Variants in MKLN1 observed in about 807,000 individuals in gnomAD.
MKLN1 encodes the protein muskelin.
Under a neutral mutation model 99.0 loss-of-function variants are expected in MKLN1, and 18 were observed. The ratio of observed to expected loss-of-function variants is 0.18; its 90% CI spans 0.13 to 0.27. MKLN1 has a LOEUF of 0.27. Ranked by LOEUF, MKLN1 falls within the 10% of genes least tolerant of loss-of-function variation. MKLN1 has a pLI of 1.00. For synonymous variants in MKLN1, 288 were observed against 293.2 expected (o/e 0.98, Z 0.18); for missense variants, 621 against 875.9 (o/e 0.71, Z 3.67).
At chr7:131,281,987 T>C (rs993803007) in intron 3 of MKLN1, among the ~76,000 whole-genome samples, 1 of 152,094 alleles carries the variant, frequency 6.6e-6, no homozygotes, top group African/African-American at 2.4e-5. Flanking sequence ...TCTGAGCCTG[T>C]TTTATCTTAT....
chr7:131,346,232 A>C lies in MKLN1; in HGVS notation c.98+18235A>C, dbSNP rs867846318. ...CATATAACAACTTTATTAAAAATTA[A>C]CAATATTAGGGCGGGTGTGGTGGCT... On this transcript the variant is annotated intron_variant, in intron 1 of 17. Transcript: ENST00000352689. Among the ~76,000 whole-genome samples, 11 of 152,198 alleles carry C rather than the reference A, an allele frequency of 7.2e-5. No homozygotes were observed. In the South Asian group the frequency reaches 1.0e-3, roughly 14 times the overall value.
chr7:131,267,107 C>G (rs1156589295), intron 3 of MKLN1, among the ~76,000 whole-genome samples: 1 of 151,954 alleles, frequency 6.6e-6, no homozygotes, highest in African/African-American at 2.4e-5. Flanking sequence ...CCGAGGCAGG[C>G]AGATCACTTG....
intron 3 of MKLN1, among the ~76,000 whole-genome samples, chr7:131,303,637 G>C (rs558800457): frequency 1.5e-4 from 23 of 152,326 alleles, no homozygotes; most frequent in African/African-American, 5.3e-4. Context: ...CTGAATCCTG[G>C]GGTGATGTTA....
chr7:131,257,099 A>G (rs933787523), intron 3 of MKLN1, among the ~76,000 whole-genome samples: 3 of 152,224 alleles, frequency 2.0e-5, no homozygotes, highest in Non-Finnish European at 4.4e-5. Context: ...TTGGGCTTGT[A>G]ACAACACTGT....
At chr7:131,380,196 G>A (rs118049779) in intron 2 of MKLN1, among the ~76,000 whole-genome samples, 1,704 of 152,232 alleles carry the variant, frequency 0.011, 23 homozygotes, top group Middle Eastern at 0.078. Context: ...GGAATTGGTA[G>A]TATCCCTAGC....
intron 1 of MKLN1, among the ~76,000 whole-genome samples, chr7:131,356,936 G>T (rs990002321): frequency 2.0e-5 from 3 of 152,066 alleles, no homozygotes; most frequent in African/African-American, 7.2e-5. Flanking sequence ...GTGCAAGTTT[G>T]TTAAAAAGCT....
intron 12 of MKLN1, among the ~76,000 whole-genome samples, chr7:131,450,920 C>CT (rs147115807): frequency 0.016 from 2,466 of 152,236 alleles, 60 homozygotes; most frequent in African/African-American, 0.054. Context: ...AATACACAGA[C>CT]TTGTTCATGA....
intron 6 of MKLN1, among the ~76,000 whole-genome samples, chr7:131,403,205 G>T (rs1274529825): frequency 2.6e-5 from 4 of 152,130 alleles, no homozygotes; most frequent in African/African-American, 4.8e-5. Flanking sequence ...ATCAACACTT[G>T]TGGCTTTACT....
intron 3 of MKLN1, among the ~76,000 whole-genome samples, chr7:131,307,097 T>C (rs760200973): frequency 8.5e-4 from 130 of 152,124 alleles, no homozygotes; most frequent in Middle Eastern, 6.8e-3. Context: ...CAGTTGTGGC[T>C]AAAAGGGGCC....
chr7:131,137,052 T>C (rs941660131), intron 1 of MKLN1, among the ~76,000 whole-genome samples: 2 of 152,142 alleles, frequency 1.3e-5, no homozygotes, highest in African/African-American at 4.8e-5. Flanking sequence ...GGGGTCTCCC[T>C]GTGTTGCCCA....
At chr7:131,460,765 G>A (rs1796492435) in intron 12 of MKLN1, among the ~76,000 whole-genome samples, 1 of 152,162 alleles carries the variant, frequency 6.6e-6, no homozygotes, top group African/African-American at 2.4e-5. Flanking sequence ...GAGCAGGGCA[G>A]ATCAAGCCAT....
intron 1 of MKLN1, among the ~76,000 whole-genome samples, chr7:131,340,274 G>GTT (rs1477821145): frequency 9.3e-6 from 1 of 107,112 alleles, no homozygotes; most frequent in African/African-American, 3.5e-5. Flanking sequence ...TGTAATTACG[G>GTT]CTTTTTTTTT....
chr7:131,487,796 A>G lies in MKLN1; in HGVS notation c.*68A>G. 1 of 1,555,222 alleles carries G rather than the reference A, an allele frequency of 6.4e-7. No individual in the cohort carries two copies. Among genetic ancestry groups the G allele is most frequent in the East Asian group, 2.3e-5 (1 of 44,404 alleles). ...TTTCCGTCTTTTGGATTGCAGCTCC[A>G]CTGACTGACAGTAAAGCTGCAGTGA... On this transcript the variant is annotated 3_prime_UTR_variant, in exon 18 of 18. Coordinates refer to ENST00000352689, the MANE Select transcript of MKLN1 (RefSeq NM_013255.5). The surrounding 1 kb of genome is among the most constrained non-coding windows in gnomAD (Gnocchi z 4.7).
At chr7:131,185,107 A>C (rs1409220394) in intron 2 of MKLN1, among the ~76,000 whole-genome samples, 1 of 152,090 alleles carries the variant, frequency 6.6e-6, no homozygotes, top group South Asian at 2.1e-4. Context: ...AATGCACCGT[A>C]ATGCTCTGTA....
chr7:131,118,467 C>T (rs1416141414), intron 1 of MKLN1, among the ~76,000 whole-genome samples: 4 of 151,752 alleles, frequency 2.6e-5, no homozygotes, highest in South Asian at 4.2e-4. Flanking sequence ...GCAAGAGAAT[C>T]GCTTGAACCT....
intron 1 of MKLN1, among the ~76,000 whole-genome samples, chr7:131,341,734 A>G (rs899993988): frequency 6.6e-6 from 1 of 152,216 alleles, no homozygotes; most frequent in African/African-American, 2.4e-5. Flanking sequence ...GAACAAAACC[A>G]AAACAGCAAC....
chr7:131,192,150 TATACATATATACTTATGTATA>T (rs1563247391), intron 2 of MKLN1, among the ~76,000 whole-genome samples: 4 of 120,856 alleles, frequency 3.3e-5, no homozygotes, highest in African/African-American at 1.3e-4. Flanking sequence ...TATACGTATA[TATACATATATACTTATGTATA>T]ATATATAAAA....
chr7:131,420,609 T>C (rs74831781), intron 8 of MKLN1, among the ~76,000 whole-genome samples: 4,883 of 152,306 alleles, frequency 0.032, 247 homozygotes, highest in African/African-American at 0.11. Context: ...GTTCAGGAGA[T>C]AGATCTAACC....
chr7:131,473,856 A>G (rs753924253), intron 16 of MKLN1, among the ~76,000 whole-genome samples: 8 of 152,200 alleles, frequency 5.3e-5, no homozygotes, highest in Non-Finnish European at 8.8e-5. Context: ...ATTAGAATTG[A>G]ATAAGTACTG....
Sources: gnomAD v4.1 joint callset for allele counts (sites outside exome capture counted in the v4.1 genomes callset) on GRCh38, gnomAD v4.1.1 for gene constraint, Gnocchi (gnomAD v3.1) non-coding constraint, MANE v1.5 for transcripts, NCBI Gene and HGNC (gene_info 2026-07-23, HGNC 2026-07-21) for gene names.